CSMD1: variants seen among roughly 807,000 people sequenced by gnomAD.
CSMD1 encodes the protein CUB and Sushi multiple domains 1.
In CSMD1, 213 loss-of-function variants were observed where a neutral mutation model predicts 417.5. That is an observed-to-expected ratio of 0.51 (90% CI 0.46 to 0.57). The LOEUF (loss-of-function observed/expected upper bound fraction) is 0.57, where lower values mean the gene tolerates loss of function less well. CSMD1 is among the 20% of genes least tolerant of loss of function. CSMD1 has a pLI of 0.00. For synonymous variants in CSMD1, 2,862 were observed against 1,736.8 expected (o/e 1.65, Z -16.11); for missense variants, 6,923 against 4,529.7 (o/e 1.53, Z -15.17).
intron 6 of CSMD1, among the ~76,000 whole-genome samples, chr8:3,719,194 A>G (rs768907001): frequency 3.3e-5 from 5 of 151,980 alleles, no homozygotes; most frequent in Admixed American, 6.6e-5. Flanking sequence ...TAATTTCCCA[A>G]ATTTCCTACT....
At chr8:4,445,404 A>G (rs1206296811) in intron 2 of CSMD1, among the ~76,000 whole-genome samples, 1 of 152,178 alleles carries the variant, frequency 6.6e-6, no homozygotes, top group Non-Finnish European at 1.5e-5. Flanking sequence ...CTTTTGGATT[A>G]TTCTAATACT....
intron 3 of CSMD1, among the ~76,000 whole-genome samples, chr8:4,341,309 T>C (rs533110282): frequency 3.4e-4 from 52 of 152,216 alleles, no homozygotes; most frequent in African/African-American, 1.2e-3. Context: ...TATTAAGCAA[T>C]CAATCATATC....
intron 6 of CSMD1, among the ~76,000 whole-genome samples, chr8:3,711,009 G>C (rs1801477491): frequency 6.6e-6 from 1 of 152,172 alleles, no homozygotes; most frequent in Non-Finnish European, 1.5e-5. Flanking sequence ...GGACTTCCCA[G>C]TATCAAGAGC....
At chr8:4,066,969 G>A (rs1563078331) in intron 3 of CSMD1, among the ~76,000 whole-genome samples, 1 of 152,230 alleles carries the variant, frequency 6.6e-6, no homozygotes, top group African/African-American at 2.4e-5. Flanking sequence ...GGAACCTAAT[G>A]AGTATATTCT....
chr8:3,324,988 AAG>A (rs1806431997), intron 23 of CSMD1, among the ~76,000 whole-genome samples: 1 of 152,234 alleles, frequency 6.6e-6, no homozygotes, highest in Non-Finnish European at 1.5e-5. Context: ...AGAAAAAAAA[AAG>A]CATTTGTTGT....
intron 26 of CSMD1, chr8:3,278,833 C>G (rs1486100559): frequency 2.0e-5 from 3 of 152,166 alleles, no homozygotes; most frequent in Admixed American, 6.5e-5. Context: ...GATTTAGTTT[C>G]ATGGCTGGAT....
chr8:4,975,103 G>A (rs1211073410), intron 1 of CSMD1, among the ~76,000 whole-genome samples: 6 of 152,108 alleles, frequency 3.9e-5, no homozygotes, highest in African/African-American at 1.2e-4. Context: ...ACCAAGAAGG[G>A]CTAGGTCCCC....
chr8:3,368,051 T>A (rs1323337479), intron 19 of CSMD1, among the ~76,000 whole-genome samples: 4 of 152,226 alleles, frequency 2.6e-5, no homozygotes, highest in East Asian at 1.9e-4. Context: ...TACAAAGGCT[T>A]ATTTCTGGAT....
intron 3 of CSMD1, among the ~76,000 whole-genome samples, chr8:4,236,026 GT>G (rs147378202): frequency 8.3e-5 from 9 of 108,084 alleles, no homozygotes; most frequent in South Asian, 3.5e-4. Flanking sequence ...AATGGATATT[GT>G]TTTTTTTGTT....
At chr8:4,195,756 C>T (rs1042194898) in intron 3 of CSMD1, among the ~76,000 whole-genome samples, 2 of 152,092 alleles carry the variant, frequency 1.3e-5, no homozygotes, top group African/African-American at 4.8e-5. Flanking sequence ...CGTGCTCATG[C>T]CAGGAGGTAG....
At chr8:3,444,017 A>G (rs1815153609) in intron 12 of CSMD1, among the ~76,000 whole-genome samples, 1 of 152,172 alleles carries the variant, frequency 6.6e-6, no homozygotes, top group African/African-American at 2.4e-5. Context: ...AAAACCTTGC[A>G]GTGCTGAATG....
chr8:2,946,154 A>C (rs1333524212), intron 68 of CSMD1, among the ~76,000 whole-genome samples: 1 of 152,162 alleles, frequency 6.6e-6, no homozygotes. Flanking sequence ...GGTGTTAGGA[A>C]TTTGTCAGCT....
chr8:3,904,638 TC>T (rs1283116887), intron 5 of CSMD1, among the ~76,000 whole-genome samples: 56 of 133,018 alleles, frequency 4.2e-4, no homozygotes, highest in African/African-American at 1.7e-3. Context: ...TCGTTTTCTT[TC>T]TTTTTTTTTT....
intron 1 of CSMD1, among the ~76,000 whole-genome samples, chr8:4,897,074 T>C (rs1006075175): frequency 2.6e-5 from 4 of 152,086 alleles, no homozygotes; most frequent in Non-Finnish European, 4.4e-5. Flanking sequence ...GACCGGCCTT[T>C]CCTGAGTGCC....
At chr8:4,384,107 A>T (rs1475855017) in intron 3 of CSMD1, among the ~76,000 whole-genome samples, 1 of 152,136 alleles carries the variant, frequency 6.6e-6, no homozygotes, top group Non-Finnish European at 1.5e-5. Context: ...CACCTAAAGC[A>T]TCAACACAGG....
rs114739567 is a variant in CSMD1, at chr8:4,216,519, C to T, written c.416-184420G>A. On this transcript the variant is annotated intron_variant, in intron 3 of 69. Transcript: ENST00000635120. Reference sequence around the variant, plus strand: ...AATTAGTGCTTATTCAGTACCCCCACGGGACTAAGAATTCTCAAGATCAAA... The same window carrying T: ...AATTAGTGCTTATTCAGTACCCCCATGGGACTAAGAATTCTCAAGATCAAA... Among the ~76,000 whole-genome samples the T allele has an allele frequency of 5.7e-3, 869 of 152,284 alleles. 8 individuals carry two copies. Among genetic ancestry groups the T allele is most frequent in the African/African-American group, 0.018 (733 of 41,558 alleles).
chr8:3,121,562 G>A (rs1817206426), intron 41 of CSMD1, among the ~76,000 whole-genome samples: 1 of 152,142 alleles, frequency 6.6e-6, no homozygotes, highest in Admixed American at 6.5e-5. Context: ...GAAACCCACT[G>A]GATTATGTCG....
chr8:3,618,972 A>C (rs539481885), intron 7 of CSMD1, among the ~76,000 whole-genome samples: 15 of 152,114 alleles, frequency 9.9e-5, no homozygotes, highest in Non-Finnish European at 1.8e-4. Flanking sequence ...AGGTCAGATG[A>C]GGAAGGGCGG....
chr8:4,006,767 G>A (rs183322486), intron 4 of CSMD1, among the ~76,000 whole-genome samples: 11 of 151,516 alleles, frequency 7.3e-5, no homozygotes, highest in East Asian at 1.9e-4. Flanking sequence ...TATTTATTAC[G>A]GCTTATATCA....
Sources: allele counts gnomAD v4.1 joint callset (sites outside exome capture counted in the v4.1 genomes callset), GRCh38; gene constraint gnomAD v4.1.1; transcripts MANE v1.5; gene names NCBI Gene and HGNC (gene_info 2026-07-23, HGNC 2026-07-21).